Variants in VPS13A observed in about 807,000 individuals in gnomAD.
The protein encoded by VPS13A is vacuolar protein sorting 13 homolog A.
In VPS13A, 264 loss-of-function variants were observed where a neutral mutation model predicts 390.9. The observed-to-expected ratio is 0.68, with a 90% CI of 0.61 to 0.75. The LOEUF is 0.75. VPS13A is among the 30% of genes least tolerant of loss of function. VPS13A has a pLI of 0.00. For synonymous variants in VPS13A, 1,231 were observed against 1,227.1 expected, an observed-to-expected ratio of 1.00 and a Z score of -0.07; for missense variants, 3,409 against 3,733.9, an observed-to-expected ratio of 0.91 and a Z score of 2.27.
intron 54 of VPS13A, among the ~76,000 whole-genome samples, chr9:77,354,200 A>G (rs962317641): frequency 2.0e-5 from 3 of 152,094 alleles, no homozygotes; most frequent in African/African-American, 7.2e-5. Context: ...TTTCTTCTGT[A>G]TAACCAGGAT....
chr9:77,177,889 C>A, intron 1 of VPS13A, 85 bp downstream of exon 1: 1 of 1,239,666 alleles, frequency 8.1e-7, no homozygotes. Context: ...GTTCTCGGGG[C>A]TTCGAGCACC....
At chr9:77,196,177 CTT>C (rs1824989275) in intron 1 of VPS13A, among the ~76,000 whole-genome samples, 1 of 151,908 alleles carries the variant, frequency 6.6e-6, no homozygotes, top group Non-Finnish European at 1.5e-5. Context: ...TAACGTCAAT[CTT>C]TTATAATTTT....
chr9:77,317,328 A>G (rs964554307), intron 39 of VPS13A, among the ~76,000 whole-genome samples: 3 of 151,854 alleles, frequency 2.0e-5, no homozygotes, highest in South Asian at 4.2e-4. Context: ...TAGCTGTATG[A>G]CCACACTTTA....
At chr9:77,403,358 G>A in intron 69 of VPS13A, 37 bp downstream of exon 69, 1 of 1,524,994 alleles carries the variant, frequency 6.6e-7, no homozygotes, top group Non-Finnish European at 9.1e-7. Context: ...ATTTTATAAG[G>A]GGTTAACTGA....
chr9:77,192,464 T>C (rs1824741429), intron 1 of VPS13A, among the ~76,000 whole-genome samples: 1 of 152,230 alleles, frequency 6.6e-6, no homozygotes, highest in African/African-American at 2.4e-5. Flanking sequence ...AGTGTGTTTC[T>C]GTGGTAGCCG....
chr9:77,229,644 G>A (rs1049892152), intron 17 of VPS13A, among the ~76,000 whole-genome samples: 24 of 152,078 alleles, frequency 1.6e-4, no homozygotes, highest in African/African-American at 4.6e-4. Context: ...TATTATGGAC[G>A]CATCACGTTT....
chr9:77,385,698 C>G (rs1366492122), intron 68 of VPS13A, among the ~76,000 whole-genome samples: 1 of 151,772 alleles, frequency 6.6e-6, no homozygotes. Context: ...ATGTTTAATC[C>G]CTATGACTGC....
chr9:77,374,198 A>T (rs900636674), intron 67 of VPS13A, among the ~76,000 whole-genome samples: 1 of 152,124 alleles, frequency 6.6e-6, no homozygotes, highest in Non-Finnish European at 1.5e-5. Context: ...TCTGCAGTGG[A>T]TGCCTGAAAC....
chr9:77,232,765 A>C (rs770698449), intron 17 of VPS13A, among the ~76,000 whole-genome samples: 2 of 152,134 alleles, frequency 1.3e-5, no homozygotes, highest in Non-Finnish European at 2.9e-5. Flanking sequence ...TGAGAACAGC[A>C]CTGGAAAAAC....
intron 23 of VPS13A, among the ~76,000 whole-genome samples, chr9:77,270,733 T>A (rs567686114): frequency 6.6e-6 from 1 of 152,282 alleles, no homozygotes; most frequent in South Asian, 2.1e-4. Flanking sequence ...TAATATGTGT[T>A]TGATTTATTA....
At chr9:77,275,150 A>G (rs1826570900) in intron 24 of VPS13A, among the ~76,000 whole-genome samples, 2 of 152,238 alleles carry the variant, frequency 1.3e-5, no homozygotes, top group South Asian at 4.1e-4. Context: ...TTGAGTATTC[A>G]TGGTGTGTAT....
intron 17 of VPS13A, among the ~76,000 whole-genome samples, chr9:77,236,259 A>G (rs1458398849): frequency 2.0e-5 from 3 of 152,124 alleles, no homozygotes; most frequent in African/African-American, 7.2e-5. Context: ...GTTCTTTTTA[A>G]TAATTTCTGT....
In VPS13A at chr9:77,225,932, G is replaced by A; in HGVS notation, c.1168G>A (p.Glu390Lys). ...TTTTGTTTATATTTTTCAGGAGTTG[G>A]AAAAAACCTTGGATGTCTTTAATAT... ...GELLVSLEEL[E>K]KTLDVFNITI... The change falls in exon 14 of 72, where the codon GAA becomes AAA. Residue 390 changes from glutamate to lysine, a missense_variant. Coordinates refer to ENST00000360280, the MANE Select transcript of VPS13A (RefSeq NM_033305.3). 6.2e-7 allele frequency: 1 copy of A among 1,611,078 alleles called. No homozygotes were observed. Among genetic ancestry groups the A allele is most frequent in the Non-Finnish European group, 8.5e-7 (1 of 1,178,470 alleles).
chr9:77,255,449 G>C (rs1825386128), intron 22 of VPS13A, among the ~76,000 whole-genome samples: 1 of 152,196 alleles, frequency 6.6e-6, no homozygotes, highest in African/African-American at 2.4e-5. Context: ...TATTGATTTA[G>C]GTTTGCTTGT....
At chr9:77,405,369 A>T (rs1834555436) in intron 69 of VPS13A, among the ~76,000 whole-genome samples, 1 of 152,226 alleles carries the variant, frequency 6.6e-6, no homozygotes. Flanking sequence ...CGTTAATTAT[A>T]TGAAAGTTCC....
chr9:77,208,527 A>T (rs972388099), intron 5 of VPS13A, among the ~76,000 whole-genome samples: 1 of 152,050 alleles, frequency 6.6e-6, no homozygotes, highest in African/African-American at 2.4e-5. Flanking sequence ...TAGGAACCTC[A>T]ATTCTTTATT....
chr9:77,225,417 ATTTGTATATGT>A (rs1222139377), intron 13 of VPS13A, among the ~76,000 whole-genome samples: 6 of 152,118 alleles, frequency 3.9e-5, no homozygotes, highest in Non-Finnish European at 5.9e-5. Flanking sequence ...TGCCTAGCTA[ATTTGTATATGT>A]TTTGTAGAGG....
At chr9:77,225,820 C>G in intron 13 of VPS13A, 106 bp from the exon 14 acceptor site, 1 of 833,598 alleles carries the variant, frequency 1.2e-6, no homozygotes, top group Non-Finnish European at 2.0e-6. Context: ...TGTTTGCTTC[C>G]TATTATATCT....
intron 71 of VPS13A, among the ~76,000 whole-genome samples, chr9:77,411,951 G>A (rs900280457): frequency 1.3e-5 from 2 of 152,104 alleles, no homozygotes; most frequent in African/African-American, 4.8e-5. Flanking sequence ...TACCATCAGA[G>A]AATGCTATAA....
Sources: allele counts gnomAD v4.1 joint callset (sites outside exome capture counted in the v4.1 genomes callset), GRCh38; gene constraint gnomAD v4.1.1; transcripts MANE v1.5; gene names NCBI Gene and HGNC (gene_info 2026-07-23, HGNC 2026-07-21).